LIPA: variants seen among roughly 807,000 people sequenced by gnomAD.
The protein encoded by LIPA is lysosomal acid lipase/cholesteryl ester hydrolase.
In LIPA, 26 loss-of-function variants were observed where a neutral mutation model predicts 40.6. The ratio of observed to expected loss-of-function variants is 0.64; its 90% CI spans 0.47 to 0.89. The LOEUF (loss-of-function observed/expected upper bound fraction) is 0.89. LIPA is among the 40% of genes least tolerant of loss of function. The probability of loss-of-function intolerance (pLI) is 0.00; values close to 1 mark genes in which losing one functional copy is unlikely to be tolerated. For synonymous variants in LIPA, 188 were observed against 168.4 expected (o/e 1.12, Z -0.90); for missense variants, 455 against 479.6 (o/e 0.95, Z 0.48).
At chr10:89,300,642 G>A (rs1420417367) in intron 1 of LIPA, among the ~76,000 whole-genome samples, 1 of 152,216 alleles carries the variant, frequency 6.6e-6, no homozygotes, top group Admixed American at 6.5e-5. Flanking sequence ...CAGTAATTGT[G>A]ATGGATTGTT....
intron 2 of LIPA, among the ~76,000 whole-genome samples, chr10:89,370,651 T>C (rs1844086521): frequency 6.6e-6 from 1 of 152,118 alleles, no homozygotes. Flanking sequence ...GTTCTGTACA[T>C]TATAGGATGT....
At chr10:89,294,889 A>C (rs1439260484) in intron 1 of LIPA, among the ~76,000 whole-genome samples, 1 of 151,976 alleles carries the variant, frequency 6.6e-6, no homozygotes, top group Non-Finnish European at 1.5e-5. Flanking sequence ...TGGGAAGATC[A>C]CTTGAGCCTG....
At chr10:89,276,844 C>G (rs1187099709) in intron 1 of LIPA, among the ~76,000 whole-genome samples, 1 of 152,006 alleles carries the variant, frequency 6.6e-6, no homozygotes, top group African/African-American at 2.4e-5. Flanking sequence ...CATTATTATT[C>G]CCATTTGATA....
At chr10:89,378,895 A>C (rs1414851375) in intron 2 of LIPA, among the ~76,000 whole-genome samples, 1 of 152,232 alleles carries the variant, frequency 6.6e-6, no homozygotes. Flanking sequence ...ACTTTCTAAT[A>C]GAGGGACAAT....
chr10:89,381,936 T>C (rs756924233), intron 2 of LIPA, among the ~76,000 whole-genome samples: 2 of 151,886 alleles, frequency 1.3e-5, no homozygotes, highest in Admixed American at 6.6e-5. Flanking sequence ...CGCTGGCTAA[T>C]TTTTTGTATT....
At chr10:89,278,921 T>C (rs1353101447) in intron 1 of LIPA, among the ~76,000 whole-genome samples, 3 of 152,000 alleles carry the variant, frequency 2.0e-5, no homozygotes, top group Non-Finnish European at 4.4e-5. Context: ...TATATAGTCT[T>C]CTTTCATATG....
chr10:89,288,167 T>C (rs577263121), intron 1 of LIPA, among the ~76,000 whole-genome samples: 107 of 152,236 alleles, frequency 7.0e-4, no homozygotes, highest in Non-Finnish European at 1.2e-3. Flanking sequence ...ACACATGTGC[T>C]CTCCCTGCTG....
At chr10:89,241,810 A>G (rs951897955) in intron 3 of LIPA, among the ~76,000 whole-genome samples, 2 of 152,152 alleles carry the variant, frequency 1.3e-5, no homozygotes, top group Admixed American at 1.3e-4. Context: ...GTGTGTATAT[A>G]TATATAAAAT....
At chr10:89,262,031 G>A (rs1335115934) in intron 1 of LIPA, among the ~76,000 whole-genome samples, 1 of 152,074 alleles carries the variant, frequency 6.6e-6, no homozygotes, top group African/African-American at 2.4e-5. Flanking sequence ...CTTTTCCCAG[G>A]TCTTTCCTTA....
chr10:89,381,247 A>T (rs1211492617), intron 2 of LIPA, among the ~76,000 whole-genome samples: 1 of 152,180 alleles, frequency 6.6e-6, no homozygotes, highest in Non-Finnish European at 1.5e-5. Context: ...GTCTGTTCTC[A>T]TCATAGCACA....
chr10:89,311,369 T>A (rs2133526514), intron 1 of LIPA, among the ~76,000 whole-genome samples: 1 of 150,942 alleles, frequency 6.6e-6, no homozygotes, highest in African/African-American at 2.4e-5. Flanking sequence ...CCAAAAAAAA[T>A]ACAAAAAAAA....
At chr10:89,227,738 G>A (rs1414582542) in intron 4 of LIPA, among the ~76,000 whole-genome samples, 1 of 152,188 alleles carries the variant, frequency 6.6e-6, no homozygotes, top group Non-Finnish European at 1.5e-5. Flanking sequence ...TATGAGGTAG[G>A]TGTTTATTAC....
At chr10:89,247,709 G>C in intron 1 of LIPA, 60 bp from the exon 2 acceptor site, 1 of 1,231,392 alleles carries the variant, frequency 8.1e-7, no homozygotes, top group South Asian at 1.2e-5. Flanking sequence ...AAATATTCTG[G>C]TAACTTAATG....
At chr10:89,301,428 AATATGGTAAT>A (rs1418146577) in intron 1 of LIPA, among the ~76,000 whole-genome samples, 3 of 152,326 alleles carry the variant, frequency 2.0e-5, no homozygotes, top group African/African-American at 7.2e-5. Context: ...AAGATGGGTT[AATATGGTAAT>A]CACAAGGCAG....
At chr10:89,264,393 A>T (rs1855026) in intron 1 of LIPA, among the ~76,000 whole-genome samples, 112,248 of 151,898 alleles carry the variant, frequency 0.74, 42,600 homozygotes, top group East Asian at 0.97. Flanking sequence ...CAGCCCTCAG[A>T]GGAGAGGAGA....
At chr10:89,357,765 G>A (rs1843996139) in intron 2 of LIPA, among the ~76,000 whole-genome samples, 1 of 152,172 alleles carries the variant, frequency 6.6e-6, no homozygotes, top group African/African-American at 2.4e-5. Context: ...GAATTTTAAA[G>A]GTAGCTATGT....
intron 2 of LIPA, among the ~76,000 whole-genome samples, chr10:89,375,928 C>T (rs1844117452): frequency 6.6e-6 from 1 of 152,078 alleles, no homozygotes; most frequent in Admixed American, 6.6e-5. Context: ...TGGCTCACAC[C>T]TGTAATCCCA....
chr10:89,223,812 C>CT lies in LIPA; in HGVS notation c.693dup (p.Glu232ArgfsTer37), dbSNP rs1485898387. On this transcript the variant is annotated frameshift_variant, in exon 7 of 10. Coordinates refer to ENST00000336233, the MANE Select transcript of LIPA (RefSeq NM_000235.4). LOFTEE classifies it high-confidence loss of function. ...AAAAACGCACTCTGGGGAAGAAATT[C>CT]TTTGTCTCCAAATAAGTCCTACAAA... is the stretch of plus-strand genomic sequence containing the variant. 6.2e-7 allele frequency: 1 copy of CT among 1,614,124 alleles called. No individual in the cohort carries two copies. The highest frequency in any genetic ancestry group is 8.5e-7 in the Non-Finnish European group (1 of 1,180,012).
At chr10:89,258,569 A>G (rs1431340707) in intron 1 of LIPA, among the ~76,000 whole-genome samples, 1 of 152,214 alleles carries the variant, frequency 6.6e-6, no homozygotes, top group Non-Finnish European at 1.5e-5. Context: ...GAGGATGTGG[A>G]GAAATGTGAA....
Sources: gnomAD v4.1 joint callset for allele counts (sites outside exome capture counted in the v4.1 genomes callset) on GRCh38, gnomAD v4.1.1 for gene constraint, MANE v1.5 for transcripts, NCBI Gene and HGNC (gene_info 2026-07-23, HGNC 2026-07-21) for gene names.